Variants in BMS1 observed in about 807,000 individuals in gnomAD.
BMS1 encodes BMS1 ribosome biogenesis factor.
A neutral mutation model predicts 138.7 loss-of-function variants in BMS1; 53 were observed. That is an observed-to-expected ratio of 0.38 (90% CI 0.31 to 0.48). The LOEUF (loss-of-function observed/expected upper bound fraction) is 0.48. BMS1 is among the 20% of genes least tolerant of loss of function. The pLI, the probability that BMS1 is intolerant of heterozygous loss-of-function variation, is 0.97. For missense variants in BMS1, 1,360 were observed against 1,565.5 expected, an observed-to-expected ratio of 0.87 and a Z score of 2.22; for synonymous variants, 504 against 539.9, an observed-to-expected ratio of 0.93 and a Z score of 0.92.
At chr10:42,792,778 C>T (rs1841549579) in intron 7 of BMS1, among the ~76,000 whole-genome samples, 164 bp downstream of exon 7, 1 of 152,186 alleles carries the variant, frequency 6.6e-6, no homozygotes, top group African/African-American at 2.4e-5. Context: ...TACTGAATCC[C>T]CTCTTCTCTG....
At chr10:42,811,117 C>T (rs1220926616) in intron 13 of BMS1, among the ~76,000 whole-genome samples, 4 of 151,640 alleles carry the variant, frequency 2.6e-5, no homozygotes, top group African/African-American at 9.7e-5. Context: ...TTCTTGGCTC[C>T]CCGCAACCTC....
Position 42,796,463 on chromosome 10 carries a change from TGG to T in BMS1, c.1230-10_1230-9del, listed in dbSNP as rs761054459. ...CAAATTGAATTATTTTGTATTTCCTTGGTAATACAGGCTAATGATGCCAAAGG... is the reference window on the plus strand; with the variant it reads ...CAAATTGAATTATTTTGTATTTCCTTTAATACAGGCTAATGATGCCAAAGG... On this transcript the variant is annotated splice_polypyrimidine_tract_variant and intron_variant, in intron 9 of 22. Transcript: ENST00000374518. 1.2e-6 allele frequency: 2 copies of T among 1,600,674 alleles called. No individual in the cohort carries two copies. Among genetic ancestry groups the T allele is most frequent in the Admixed American group, 3.4e-5 (2 of 59,032 alleles).
chr10:42,824,539 T>C lies in BMS1; in HGVS notation c.3456+755T>C, dbSNP rs1842587221. Reference sequence around the variant, plus strand: ...TTGTAGCCTGGCTTGTGGTGCGATATCCAAAAAATTATTGCTAAGGCCAAC... The same window carrying C: ...TTGTAGCCTGGCTTGTGGTGCGATACCCAAAAAATTATTGCTAAGGCCAAC... On this transcript the variant is annotated intron_variant, in intron 21 of 22. Transcript: ENST00000374518. 3.3e-5 allele frequency among the ~76,000 whole-genome samples: 5 copies of C among 152,318 alleles called. No homozygotes were observed. The South Asian group carries it at 1.0e-3, about 32-fold the overall frequency.
intron 14 of BMS1, 108 bp downstream of exon 14, chr10:42,816,780 G>A (rs1475751241): frequency 2.5e-6 from 2 of 805,216 alleles, no homozygotes; most frequent in Non-Finnish European, 3.7e-6. Flanking sequence ...AGACTGGATA[G>A]ATAGATTCCT....
At chr10:42,793,287 G>A in intron 8 of BMS1, 143 bp downstream of exon 8, 1 of 739,236 alleles carries the variant, frequency 1.4e-6, no homozygotes, top group Non-Finnish European at 2.1e-6. Context: ...AATGCATATT[G>A]TAAATATATA....
chr10:42,823,023 T>C, intron 19 of BMS1, 95 bp from the exon 20 acceptor site: 2 of 1,269,458 alleles, frequency 1.6e-6, no homozygotes, highest in South Asian at 2.4e-5. Flanking sequence ...TGAGTTGTTT[T>C]TGTTCTTTAA....
chr10:42,787,371 A>T (rs184477582), intron 4 of BMS1, 124 bp downstream of exon 4: 2 of 776,412 alleles, frequency 2.6e-6, no homozygotes, highest in East Asian at 5.1e-5. Flanking sequence ...ATCATCAGTG[A>T]TACGGTAGAT....
chr10:42,795,222 A>G (rs1173486833), intron 9 of BMS1, among the ~76,000 whole-genome samples: 4 of 152,148 alleles, frequency 2.6e-5, no homozygotes, highest in Non-Finnish European at 2.9e-5. Context: ...GGCAATAAAC[A>G]TACGTTTGCA....
chr10:42,831,007 C>T lies in BMS1; in HGVS notation c.3760C>T (p.Leu1254Phe). ...EEEKLKRQKD[L>F]RKKLFRIQGQ... Reference sequence around the variant, plus strand: ...GGAGAAGCTGAAGCGGCAGAAGGACCTCAGGAAGAAGCTCTTCAGAATTCA... The same window carrying T: ...GGAGAAGCTGAAGCGGCAGAAGGACTTCAGGAAGAAGCTCTTCAGAATTCA... The change falls in exon 23 of 23, where the codon CTC becomes TTC. Residue 1254 changes from leucine to phenylalanine, a missense_variant. Transcript: ENST00000374518. The T allele has an allele frequency of 6.2e-7, 1 of 1,601,536 alleles. No homozygotes were observed. The highest frequency in any genetic ancestry group is 2.2e-5 in the East Asian group (1 of 44,644).
At chr10:42,785,420 C>A in intron 2 of BMS1, 62 bp from the exon 3 acceptor site, 1 of 1,467,244 alleles carries the variant, frequency 6.8e-7, no homozygotes, top group Non-Finnish European at 9.1e-7. Flanking sequence ...AGGTTGATAC[C>A]TTTTACTCTA....
intron 13 of BMS1, among the ~76,000 whole-genome samples, chr10:42,814,260 C>A (rs1390501241): frequency 6.6e-6 from 1 of 152,130 alleles, no homozygotes; most frequent in Non-Finnish European, 1.5e-5. Context: ...CAGGTCCGTG[C>A]AGCTCTGTTC....
In BMS1 at chr10:42,831,245, A is replaced by C; in HGVS notation, c.*149A>C. On this transcript the variant is annotated 3_prime_UTR_variant, in exon 23 of 23. Coordinates refer to ENST00000374518, the MANE Select transcript of BMS1 (RefSeq NM_014753.4). ...GTGCCTGCAGGAGGAGGAACAGAGA[A>C]GCCTGGGCTGCTGGGACTGGGTTCA... The C allele has an allele frequency of 1.2e-6, 1 of 832,782 alleles. No individual in the cohort carries two copies. Among genetic ancestry groups the C allele is most frequent in the Non-Finnish European group, 1.9e-6 (1 of 539,720 alleles). 51.6% of individuals were successfully genotyped at this position (832,782 alleles called of 1,614,324 possible).
chr10:42,816,097 C>T (rs988495833), intron 13 of BMS1, among the ~76,000 whole-genome samples: 37 of 151,960 alleles, frequency 2.4e-4, no homozygotes, highest in African/African-American at 8.0e-4. Flanking sequence ...GTCAGGAGTT[C>T]GAGACCAGCC....
chr10:42,798,355 C>A, intron 11 of BMS1, 113 bp from the exon 12 acceptor site: 2 of 1,330,898 alleles, frequency 1.5e-6, no homozygotes, highest in Non-Finnish European at 2.1e-6. Flanking sequence ...CCACCACAGA[C>A]AGAGTCCCTC....
intron 9 of BMS1, 65 bp downstream of exon 9, chr10:42,794,056 T>C (rs1157377843): frequency 3.2e-6 from 5 of 1,558,350 alleles, no homozygotes; most frequent in African/African-American, 2.7e-5. Context: ...TCACCCATAA[T>C]TCAGCCATCA....
chr10:42,796,607 G>T lies in BMS1; in HGVS notation c.1363G>T (p.Gly455Trp). 1 of 1,614,174 alleles carries T rather than the reference G, an allele frequency of 6.2e-7. No individual in the cohort carries two copies. The highest frequency in any genetic ancestry group is 1.3e-5 in the African/African-American group (1 of 75,040). ...EEDDEMSEDD[G>W]LENGSSDEEA... The stretch of plus-strand genomic sequence containing the variant: ...AGATGATGAAATGTCTGAAGATGAC[G>T]GGTTGGAAAACGGCTCTAGTGATGA... Residue 455 changes from glycine (G) to tryptophan (W), a missense_variant, in exon 10 of 23, where the codon GGG (glycine) becomes TGG (tryptophan). By Grantham distance (184) the Gly-to-Trp change is radical (BLOSUM62 -2). Around this residue, in one of 3 missense-constraint regions of BMS1, gnomAD observed 697 missense variants for 686.2 expected, o/e 1.02. Transcript: ENST00000374518.
intron 21 of BMS1, among the ~76,000 whole-genome samples, chr10:42,828,759 G>T (rs1233500491): frequency 6.6e-6 from 1 of 152,132 alleles, no homozygotes; most frequent in Non-Finnish European, 1.5e-5. Context: ...GTTCAGTTTT[G>T]TAATAAGAGG....
At chr10:42,816,425 TACTA>T (rs1842351975) in intron 13 of BMS1, among the ~76,000 whole-genome samples, 170 bp from the exon 14 acceptor site, 2 of 152,178 alleles carry the variant, frequency 1.3e-5, no homozygotes, top group Admixed American at 6.5e-5. Flanking sequence ...GATGATGAAA[TACTA>T]ACTGTTTTAC....
chr10:42,830,567 T>C (rs1842774314), intron 22 of BMS1, 145 bp downstream of exon 22: 1 of 1,183,476 alleles, frequency 8.4e-7, no homozygotes, highest in Admixed American at 3.0e-5. Context: ...CATTTCCCTT[T>C]CTTTGCCTGG....
Sources: allele counts gnomAD v4.1 joint callset (sites outside exome capture counted in the v4.1 genomes callset), GRCh38; gene constraint gnomAD v4.1.1; regional missense constraint gnomAD v4.1.1; transcripts MANE v1.5; gene names NCBI Gene and HGNC (gene_info 2026-07-23, HGNC 2026-07-21).